The following LGSN variants were observed in gnomAD, a reference collection of about 807,000 sequenced individuals.
LGSN encodes lengsin.
In LGSN, 21 loss-of-function variants were observed where a neutral mutation model predicts 19.5. That is an observed-to-expected ratio of 1.07 (90% CI 0.76 to 1.55). The LOEUF (loss-of-function observed/expected upper bound fraction) is 1.55, where lower values mean the gene tolerates loss of function less well. Ranked by LOEUF, LGSN falls within the 40% of genes most tolerant of loss-of-function variation. LGSN has a pLI of 0.00. For missense variants in LGSN, 673 were observed against 608.5 expected (o/e 1.11, Z -1.12); for synonymous variants, 257 against 215.6 (o/e 1.19, Z -1.68).
chr6:63,303,688 G>C (rs1415504296), intron 1 of LGSN, among the ~76,000 whole-genome samples: 1 of 152,158 alleles, frequency 6.6e-6, no homozygotes, highest in African/African-American at 2.4e-5. Flanking sequence ...TTAGGTAAAA[G>C]GAGCTTTTTA....
At chr6:63,358,368 G>T in the LGSN span, among the ~76,000 whole-genome samples, 3 of 152,200 alleles carry the variant, frequency 2.0e-5, no homozygotes, top group Non-Finnish European at 2.9e-5. Flanking sequence ...ATTCTGTGAA[G>T]AAAGTCATTG....
chr6:63,492,042 A>G, the LGSN span, among the ~76,000 whole-genome samples: 1 of 152,188 alleles, frequency 6.6e-6, no homozygotes, highest in Non-Finnish European at 1.5e-5. Context: ...AAAAAAAAAA[A>G]AAAAATTAAC....
the LGSN span, among the ~76,000 whole-genome samples, chr6:63,426,202 C>T: frequency 6.6e-6 from 1 of 152,136 alleles, no homozygotes; most frequent in Non-Finnish European, 1.5e-5. Flanking sequence ...CACTGTATTT[C>T]ATAAAAGATA....
At chr6:63,511,227 T>A in the LGSN span, among the ~76,000 whole-genome samples, 1 of 151,944 alleles carries the variant, frequency 6.6e-6, no homozygotes, top group African/African-American at 2.4e-5. Context: ...AGGTCAAGCT[T>A]ATACAAGTAA....
chr6:63,302,727 G>A (rs1207479049), intron 1 of LGSN, among the ~76,000 whole-genome samples: 2 of 152,124 alleles, frequency 1.3e-5, no homozygotes, highest in Admixed American at 6.6e-5. Context: ...TTGAAGAAAC[G>A]AAATTTGTAT....
At position 63,279,993 on chromosome 6, in the gene LGSN, G is replaced by T. The variant is rs1469791850; in HGVS notation, c.*28C>A. 3 of 1,534,762 alleles carry T rather than the reference G, an allele frequency of 2.0e-6. No individual in the cohort carries two copies. Among genetic ancestry groups the T allele is most frequent in the Non-Finnish European group, 2.6e-6 (3 of 1,140,166 alleles). ...GATTAGCTTTAAGTAACAATTACAT[G>T]TCTAAAGGAGTAGTTGTGAGCTCTA... On this transcript the variant is annotated 3_prime_UTR_variant, in exon 4 of 4. Transcript: ENST00000370657.
chr6:63,322,265 G>A (rs879885058), upstream of LGSN, among the ~76,000 whole-genome samples: 1 of 152,140 alleles, frequency 6.6e-6, no homozygotes, highest in Non-Finnish European at 1.5e-5. Flanking sequence ...TTACAGTACA[G>A]TGTATAAAAT....
chr6:63,555,604 T>C, the LGSN span, among the ~76,000 whole-genome samples: 1 of 151,830 alleles, frequency 6.6e-6, no homozygotes, highest in Admixed American at 6.5e-5. Flanking sequence ...GCATGACATA[T>C]CAGCTTTGTA....
the LGSN span, among the ~76,000 whole-genome samples, chr6:63,369,801 G>A: frequency 6.6e-6 from 1 of 152,236 alleles, no homozygotes; most frequent in South Asian, 2.1e-4. Context: ...CTCAGGAGTT[G>A]AGACTAGCCT....
At chr6:63,462,890 A>T in the LGSN span, among the ~76,000 whole-genome samples, 1 of 152,226 alleles carries the variant, frequency 6.6e-6, no homozygotes, top group African/African-American at 2.4e-5. Flanking sequence ...ATATGGATTT[A>T]TGTTCAGGTG....
At chr6:63,460,527 C>T in the LGSN span, among the ~76,000 whole-genome samples, 1 of 152,128 alleles carries the variant, frequency 6.6e-6, no homozygotes, top group Admixed American at 6.6e-5. Flanking sequence ...TGAAATCATA[C>T]TTTCTATCAT....
chr6:63,489,511 G>A, the LGSN span, among the ~76,000 whole-genome samples: 17 of 151,998 alleles, frequency 1.1e-4, no homozygotes, highest in African/African-American at 3.9e-4. Context: ...TGAGATTACA[G>A]GTGTGCACCA....
chr6:63,419,716 C>T, the LGSN span, among the ~76,000 whole-genome samples: 5 of 150,218 alleles, frequency 3.3e-5, no homozygotes, highest in African/African-American at 4.9e-5. Context: ...TGGTGAAACC[C>T]GTCTCTACTA....
the LGSN span, among the ~76,000 whole-genome samples, chr6:63,559,362 C>T: frequency 1.3e-5 from 2 of 152,038 alleles, no homozygotes; most frequent in African/African-American, 4.8e-5. Context: ...TCCATCCTTA[C>T]TTGTAAAAAC....
At chr6:63,448,733 T>C in the LGSN span, among the ~76,000 whole-genome samples, 1 of 152,188 alleles carries the variant, frequency 6.6e-6, no homozygotes, top group South Asian at 2.1e-4. Context: ...TTTTTCATTT[T>C]TGTTAAAATT....
At chr6:63,343,283 A>G in the LGSN span, among the ~76,000 whole-genome samples, 2 of 152,210 alleles carry the variant, frequency 1.3e-5, no homozygotes, top group Admixed American at 1.3e-4. Context: ...GCATTCAATT[A>G]CATATTTATT....
At chr6:63,519,958 T>C in the LGSN span, among the ~76,000 whole-genome samples, 1 of 152,228 alleles carries the variant, frequency 6.6e-6, no homozygotes, top group Non-Finnish European at 1.5e-5. Context: ...CAGTAGATAA[T>C]AATTTTTACC....
the LGSN span, among the ~76,000 whole-genome samples, chr6:63,374,412 G>A: frequency 2.0e-5 from 3 of 152,150 alleles, no homozygotes; most frequent in Non-Finnish European, 4.4e-5. Flanking sequence ...GAAGGGTAAC[G>A]CCACTACAGC....
chr6:63,428,157 C>A, the LGSN span, among the ~76,000 whole-genome samples: 1 of 152,052 alleles, frequency 6.6e-6, no homozygotes, highest in Non-Finnish European at 1.5e-5. Flanking sequence ...ATTAATAACA[C>A]CTCATAAAAA....
Sources: allele counts gnomAD v4.1 joint callset (sites outside exome capture counted in the v4.1 genomes callset), GRCh38; gene constraint gnomAD v4.1.1; transcripts MANE v1.5; gene names NCBI Gene and HGNC (gene_info 2026-07-23, HGNC 2026-07-21).